MEIS2: variants seen among roughly 807,000 people sequenced by gnomAD.
The protein encoded by MEIS2 is homeobox protein Meis2.
Under a neutral mutation model 58.6 loss-of-function variants are expected in MEIS2, and 9 were observed. The ratio of observed to expected loss-of-function variants is 0.15; its 90% CI spans 0.09 to 0.27. The LOEUF is 0.27. MEIS2 is among the 10% of genes least tolerant of loss of function. The pLI is 1.00. For missense variants in MEIS2, 427 were observed against 635.0 expected (o/e 0.67, Z 3.52); for synonymous variants, 221 against 228.4 (o/e 0.97, Z 0.29).
chr15:36,902,579 T>G (rs534536858), intron 9 of MEIS2, among the ~76,000 whole-genome samples: 1 of 152,368 alleles, frequency 6.6e-6, no homozygotes, highest in South Asian at 2.1e-4. Flanking sequence ...CTACTGAATC[T>G]GATTCTGCAT....
At chr15:36,971,337 T>A (rs1001728001) in intron 8 of MEIS2, among the ~76,000 whole-genome samples, 1 of 151,702 alleles carries the variant, frequency 6.6e-6, no homozygotes, top group Non-Finnish European at 1.5e-5. Context: ...TGCTTAAGCA[T>A]CACCTGGTAA....
chr15:37,099,166 TGCACAC>T, intron 1 of MEIS2: 1 of 1,240,046 alleles, frequency 8.1e-7, no homozygotes, highest in African/African-American at 1.5e-5. Context: ...GTGTAACGAT[TGCACAC>T]GCACACACAC....
intron 8 of MEIS2, among the ~76,000 whole-genome samples, chr15:37,013,585 T>C (rs1029987835): frequency 1.4e-5 from 2 of 146,960 alleles, no homozygotes; most frequent in Admixed American, 6.8e-5. Flanking sequence ...AAAAAAAAAT[T>C]ATATATATAT....
At chr15:36,896,848 C>G in intron 9 of MEIS2, 162 bp from the exon 10 acceptor site, 1 of 627,828 alleles carries the variant, frequency 1.6e-6, no homozygotes, top group Admixed American at 2.6e-5. Flanking sequence ...AAATAGTTGA[C>G]TGGGTAATCT....
intron 6 of MEIS2, among the ~76,000 whole-genome samples, chr15:37,087,694 C>A (rs1335620620): frequency 6.6e-6 from 1 of 152,140 alleles, no homozygotes; most frequent in Non-Finnish European, 1.5e-5. Flanking sequence ...GGAAGCAAAT[C>A]ATATGTGTGC....
chr15:36,949,036 T>C (rs1177878912), intron 9 of MEIS2, among the ~76,000 whole-genome samples: 1 of 152,026 alleles, frequency 6.6e-6, no homozygotes, highest in Non-Finnish European at 1.5e-5. Flanking sequence ...AATTTTCTGC[T>C]TCTGTAGGTA....
chr15:37,061,429 A>G (rs905957813), intron 7 of MEIS2, among the ~76,000 whole-genome samples: 11 of 152,208 alleles, frequency 7.2e-5, no homozygotes, highest in African/African-American at 2.4e-4. Context: ...AAAATACTAT[A>G]CAAAACAATG....
At chr15:36,950,724 C>T (rs972471256) in intron 8 of MEIS2, among the ~76,000 whole-genome samples, 9 of 152,114 alleles carry the variant, frequency 5.9e-5, no homozygotes, top group African/African-American at 2.2e-4. Context: ...TTCTGTTGCA[C>T]TAAAGGAACT....
At chr15:37,075,955 G>A (rs1192678853) in intron 7 of MEIS2, among the ~76,000 whole-genome samples, 1 of 151,876 alleles carries the variant, frequency 6.6e-6, no homozygotes, top group Non-Finnish European at 1.5e-5. Flanking sequence ...TTGCTGTATA[G>A]CAGGGATACT....
At chr15:36,914,159 A>G (rs150908441) in intron 9 of MEIS2, among the ~76,000 whole-genome samples, 46 of 152,308 alleles carry the variant, frequency 3.0e-4, no homozygotes, top group African/African-American at 9.6e-4. Context: ...AGCCACCAAC[A>G]GTACTGAAAA....
chr15:37,001,166 A>T (rs184236182), intron 8 of MEIS2, among the ~76,000 whole-genome samples: 2 of 152,310 alleles, frequency 1.3e-5, no homozygotes. Context: ...ATCTTTCATG[A>T]CTAAGAGAAG....
intron 6 of MEIS2, among the ~76,000 whole-genome samples, chr15:37,090,938 G>A (rs944645696): frequency 2.4e-4 from 37 of 152,182 alleles, no homozygotes; most frequent in Admixed American, 8.5e-4. Context: ...AGAAAACAAC[G>A]CGCTGTCTGG....
intron 9 of MEIS2, among the ~76,000 whole-genome samples, chr15:36,899,645 A>G (rs559354454): frequency 3.4e-4 from 52 of 152,300 alleles, no homozygotes; most frequent in African/African-American, 1.3e-3. Flanking sequence ...AATTTGAAGA[A>G]GCTAAGTTGA....
rs533102273 is a variant in MEIS2, at chr15:36,919,675, G to C, written c.978-22989C>G. Among the ~76,000 whole-genome samples, 304 of 152,192 alleles carry C rather than the reference G, an allele frequency of 2.0e-3. 2 individuals carry two copies. The highest frequency in any genetic ancestry group is 7.0e-3 in the African/African-American group (292 of 41,490). On this transcript the variant is annotated intron_variant, in intron 9 of 11. Transcript: ENST00000561208. ...GCTAGTTTATGTGTACAGTGGTCCA[G>C]TCATAGCACTAATTTCTATAATCAC...
intron 8 of MEIS2, among the ~76,000 whole-genome samples, chr15:36,972,475 T>G (rs562906837): frequency 4.2e-4 from 64 of 152,306 alleles, no homozygotes; most frequent in African/African-American, 1.5e-3. Context: ...TGATCTGGTC[T>G]CGAACTCCTG....
rs560049884 is a variant in MEIS2, at chr15:37,028,723, C to A, written c.900+8091G>T. Among the ~76,000 whole-genome samples, 414 of 152,288 alleles carry A rather than the reference C, an allele frequency of 2.7e-3. 2 individuals are homozygous for A. Among genetic ancestry groups the A allele is most frequent in the African/African-American group, 9.4e-3 (392 of 41,548 alleles). On this transcript the variant is annotated intron_variant, in intron 8 of 11. Transcript: ENST00000561208. ...TCTTTGGACAGCTAGCATCAGAACA[C>A]TCAGGCTTTCATTTTTAGACATTCT...
At chr15:37,098,358 A>T in intron 1 of MEIS2, 159 bp from the exon 2 acceptor site, 2 of 811,112 alleles carry the variant, frequency 2.5e-6, no homozygotes, top group Non-Finnish European at 3.0e-6. Context: ...AGAGAGGAGG[A>T]GGAGGAAAAG....
chr15:36,965,474 TGTAA>T (rs2059324091), intron 8 of MEIS2, among the ~76,000 whole-genome samples: 1 of 152,212 alleles, frequency 6.6e-6, no homozygotes, highest in Non-Finnish European at 1.5e-5. Flanking sequence ...CCCTCCAGAA[TGTAA>T]GTGATACTAT....
chr15:37,006,670 TA>T (rs1555448939), intron 8 of MEIS2, among the ~76,000 whole-genome samples: 1 of 152,224 alleles, frequency 6.6e-6, no homozygotes, highest in Non-Finnish European at 1.5e-5. Context: ...ACAACTGACG[TA>T]GCTCACTAGA....
Sources: gnomAD v4.1 joint callset for allele counts (sites outside exome capture counted in the v4.1 genomes callset) on GRCh38, gnomAD v4.1.1 for gene constraint, MANE v1.5 for transcripts, NCBI Gene and HGNC (gene_info 2026-07-23, HGNC 2026-07-21) for gene names.